Variants in PCSK6 observed in about 807,000 individuals in gnomAD.
PCSK6 encodes the protein proprotein convertase subtilisin/kexin type 6.
Under a neutral mutation model 123.3 loss-of-function variants are expected in PCSK6, and 85 were observed. The ratio of observed to expected loss-of-function variants is 0.69; its 90% CI spans 0.58 to 0.83. The LOEUF is 0.83. PCSK6 is among the 40% of genes least tolerant of loss of function. PCSK6 has a pLI of 0.00. For missense variants in PCSK6, 1,191 were observed against 1,282.3 expected (o/e 0.93, Z 1.09); for synonymous variants, 508 against 516.0 (o/e 0.98, Z 0.21).
intron 6 of PCSK6, among the ~76,000 whole-genome samples, chr15:101,400,382 C>T (rs2042552699): frequency 6.6e-6 from 1 of 152,238 alleles, no homozygotes. Flanking sequence ...GGTTCACCTT[C>T]TGAAGTAGGG....
chr15:101,464,043 G>C (rs1231031446), intron 1 of PCSK6, among the ~76,000 whole-genome samples: 1 of 152,148 alleles, frequency 6.6e-6, no homozygotes, highest in Non-Finnish European at 1.5e-5. Context: ...AGTGTCCGCA[G>C]GGCAGGGAAG....
intron 13 of PCSK6, among the ~76,000 whole-genome samples, chr15:101,337,944 CA>C (rs1443639999): frequency 2.0e-5 from 3 of 152,150 alleles, no homozygotes; most frequent in African/African-American, 7.2e-5. Context: ...ATAAATCTGA[CA>C]GAAATATTAC....
At chr15:101,429,925 A>C in intron 5 of PCSK6, 62 bp downstream of exon 5, 1 of 1,380,304 alleles carries the variant, frequency 7.2e-7, no homozygotes, top group Non-Finnish European at 1.0e-6. Context: ...TCGCACACAC[A>C]TTCAATAGTG....
At chr15:101,403,298 C>T (rs1176719452) in intron 6 of PCSK6, among the ~76,000 whole-genome samples, 2 of 147,642 alleles carry the variant, frequency 1.4e-5, no homozygotes, top group African/African-American at 2.5e-5. Flanking sequence ...GGAGGGATAG[C>T]ATTAGGAGAT....
At chr15:101,346,675 G>T in intron 13 of PCSK6, 1 of 1,004,894 alleles carries the variant, frequency 1.0e-6, no homozygotes. Flanking sequence ...AAAACTGAGG[G>T]CAAATCTGGG....
chr15:101,331,867 C>T lies in PCSK6; in HGVS notation c.2023G>A (p.Glu675Lys). 1 of 1,612,842 alleles carries T rather than the reference C, an allele frequency of 6.2e-7. No individual in the cohort carries two copies. The highest frequency in any genetic ancestry group is 8.5e-7 in the Non-Finnish European group (1 of 1,179,146). ...GGCTCATTACCTGTGTAATCTTCCT[C>T]ATCTTCAGGAACTTCCACCTGGGAG... ...SPSQVEVPED[E>K]EDYTAQSTPG... Residue 675 changes from glutamate (E) to lysine (K), a missense_variant, in exon 14 of 22, where the codon GAG becomes AAG. Transcript: ENST00000611716.
In PCSK6 at chr15:101,342,901, CA is replaced by C. The variant is rs34993074; in HGVS notation, c.1859-10871del. ...TGGGCAACAGAGTGAGACTCCGTCT[CA>C]AAAAAAAAAAAAACCAAACTCTGGC... On this transcript the variant is annotated intron_variant, in intron 13 of 21. Coordinates refer to ENST00000611716, the MANE Select transcript of PCSK6 (RefSeq NM_002570.5). Among the ~76,000 whole-genome samples the C allele has an allele frequency of 0.018, 2,275 of 124,298 alleles. 105 individuals are homozygous for C. In the East Asian group the frequency reaches 0.19, roughly 11 times the overall value. 81.5% of individuals were successfully genotyped at this position (124,298 alleles called of 152,430 possible). A position where few individuals can be genotyped will look rare whatever the true frequency, so the allele number is the denominator to read the frequency against.
chr15:101,405,952 A>C (rs1313932704), intron 6 of PCSK6, among the ~76,000 whole-genome samples: 2 of 152,212 alleles, frequency 1.3e-5, no homozygotes, highest in Admixed American at 6.5e-5. Flanking sequence ...CATGCTGGCC[A>C]GGCTGGTCTC....
intron 11 of PCSK6, among the ~76,000 whole-genome samples, chr15:101,376,020 T>A (rs2041729018): frequency 6.6e-6 from 1 of 151,906 alleles, no homozygotes; most frequent in Admixed American, 6.6e-5. Flanking sequence ...GGTAACAGAG[T>A]GAGACTCCAT....
chr15:101,393,282 C>A lies in PCSK6; in HGVS notation c.1139G>T (p.Trp380Leu), dbSNP rs1452552722. 6.2e-7 allele frequency: 1 copy of A among 1,613,362 alleles called. No individual in the cohort carries two copies. The highest frequency in any genetic ancestry group is 8.5e-7 in the Non-Finnish European group (1 of 1,179,796). The change falls in exon 8 of 22, where the codon TGG (tryptophan) becomes TTG (leucine). Residue 380 changes from tryptophan (W) to leucine (L), a missense_variant. Physicochemically the swap from Trp to Leu is moderately conservative, Grantham distance 61. Coordinates refer to ENST00000611716, the MANE Select transcript of PCSK6 (RefSeq NM_002570.5). Reference protein sequence around the residue: ...SSATENGYKPWYLEECASTLA... With the variant: ...SSATENGYKPLYLEECASTLA... ...GGTGGAGGCACACTCTTCCAGGTAC[C>A]AGGGCTTGTAGCCATTCTCGGTGGC...
rs145089276 is a variant in PCSK6, at chr15:101,365,632, A to C, written c.1858+564T>G. On this transcript the variant is annotated intron_variant, in intron 13 of 21. Coordinates refer to ENST00000611716, the MANE Select transcript of PCSK6 (RefSeq NM_002570.5). ...GAATCCTCATAGCTGTACTATTTGT[A>C]ACAGCTAAAAGGTAGAAACAACCCA... Among the ~76,000 whole-genome samples, 375 of 152,336 alleles carry C rather than the reference A, an allele frequency of 2.5e-3. 2 individuals are homozygous for C. Among genetic ancestry groups the C allele is most frequent in the Admixed American group, 4.2e-3 (65 of 15,304 alleles).
At chr15:101,466,689 CAT>C (rs1240225686) in intron 1 of PCSK6, among the ~76,000 whole-genome samples, 1 of 152,256 alleles carries the variant, frequency 6.6e-6, no homozygotes, top group East Asian at 1.9e-4. Context: ...CATATTAATA[CAT>C]GTTATAAAAT....
intron 10 of PCSK6, 61 bp downstream of exon 10, chr15:101,384,261 G>C: frequency 6.3e-7 from 1 of 1,578,862 alleles, no homozygotes; most frequent in Non-Finnish European, 8.7e-7. Flanking sequence ...AGGAATTCAT[G>C]ACACCCCTTC....
chr15:101,400,912 T>TAAGGTTTTCCCC (rs1387314188), intron 6 of PCSK6, among the ~76,000 whole-genome samples: 48 of 152,368 alleles, frequency 3.2e-4, no homozygotes, highest in African/African-American at 1.0e-3. Flanking sequence ...CAGGTTTCCC[T>TAAGGTTTTCCCC]AAGGTTTTCC....
chr15:101,445,866 C>A (rs930885083), intron 1 of PCSK6, among the ~76,000 whole-genome samples: 13 of 152,300 alleles, frequency 8.5e-5, no homozygotes, highest in Non-Finnish European at 1.6e-4. Flanking sequence ...GGCCTGGAAG[C>A]CATTCAGGGC....
chr15:101,394,118 G>A (rs917361863), intron 7 of PCSK6, among the ~76,000 whole-genome samples: 1 of 146,180 alleles, frequency 6.8e-6, no homozygotes, highest in Non-Finnish European at 1.5e-5. Flanking sequence ...TTGTGTGTAG[G>A]TTTTCTTTCC....
chr15:101,436,278 C>G (rs1205775318), intron 2 of PCSK6, among the ~76,000 whole-genome samples: 1 of 152,160 alleles, frequency 6.6e-6, no homozygotes, highest in Admixed American at 6.5e-5. Flanking sequence ...CATACACAGG[C>G]ACCCTCCCCC....
chr15:101,311,626 G>T (rs1040588451), intron 20 of PCSK6, among the ~76,000 whole-genome samples: 1 of 151,206 alleles, frequency 6.6e-6, no homozygotes, highest in Non-Finnish European at 1.5e-5. Flanking sequence ...GCAGGCTAAC[G>T]CCTGGTACTT....
chr15:101,355,263 T>C (rs1449006064), intron 13 of PCSK6, among the ~76,000 whole-genome samples: 1 of 152,264 alleles, frequency 6.6e-6, no homozygotes, highest in Non-Finnish European at 1.5e-5. Context: ...TTTATTACTA[T>C]GTGAATACCA....
Sources: allele counts gnomAD v4.1 joint callset (sites outside exome capture counted in the v4.1 genomes callset), GRCh38; gene constraint gnomAD v4.1.1; transcripts MANE v1.5; gene names NCBI Gene and HGNC (gene_info 2026-07-23, HGNC 2026-07-21).